The following PCM1 variants were observed in gnomAD, a reference collection of about 807,000 sequenced individuals.
PCM1 encodes the protein pericentriolar material 1.
A neutral mutation model predicts 241.9 loss-of-function variants in PCM1; 157 were observed. That is an observed-to-expected ratio of 0.65 (90% CI 0.57 to 0.74). The LOEUF (loss-of-function observed/expected upper bound fraction) is 0.74. Among genes scored for constraint, PCM1 ranks in the 30% least tolerant of loss-of-function variants. The pLI, the probability that PCM1 is intolerant of heterozygous loss-of-function variation, is 0.00. For synonymous variants in PCM1, 1,085 were observed against 784.9 expected (o/e 1.38, Z -6.39); for missense variants, 3,478 against 2,360.1 (o/e 1.47, Z -9.81).
At chr8:17,936,159 A>G (rs17125972) in intron 3 of PCM1, among the ~76,000 whole-genome samples, 1,766 of 152,292 alleles carry the variant, frequency 0.012, 33 homozygotes, top group African/African-American at 0.041. Flanking sequence ...TTATGTACTG[A>G]CTAGTTACCT....
chr8:17,960,018 A>G lies in PCM1; in HGVS notation c.2045A>G (p.Asp682Gly). ...LQDLVAMVQD[D>G]DAAQGVISAS... is the part of the protein sequence containing the mutation. Reference sequence around the variant, plus strand: ...AATGTAATGATGCTCTTTCAGGATGATGATGCAGCTCAAGGAGTTATCTCT... The same window carrying G: ...AATGTAATGATGCTCTTTCAGGATGGTGATGCAGCTCAAGGAGTTATCTCT... The change falls in exon 14 of 39, where the codon GAT (aspartate) becomes GGT (glycine). Residue 682 changes from aspartate (D) to glycine (G), a missense_variant. Asp to Gly is a moderately conservative substitution (Grantham distance 94). Transcript: ENST00000325083. The G allele has an allele frequency of 6.2e-7, 1 of 1,612,408 alleles. No homozygotes were observed. The highest frequency in any genetic ancestry group is 8.5e-7 in the Non-Finnish European group (1 of 1,179,212).
intron 30 of PCM1, among the ~76,000 whole-genome samples, chr8:18,006,831 G>A (rs2091467613): frequency 6.6e-6 from 1 of 152,178 alleles, no homozygotes; most frequent in Non-Finnish European, 1.5e-5. Context: ...TAGTAAGTCA[G>A]TAACTGGGAG....
At chr8:17,979,695 A>G (rs2080033580) in intron 23 of PCM1, among the ~76,000 whole-genome samples, 1 of 152,228 alleles carries the variant, frequency 6.6e-6, no homozygotes, top group South Asian at 2.1e-4. Context: ...AAAGATGGAA[A>G]TGCATAAGAT....
At position 17,946,910 on chromosome 8, in the gene PCM1, T is replaced by C. The variant is rs576232031; in HGVS notation, c.784-276T>C. Among the ~76,000 whole-genome samples, 47 of 151,948 alleles carry C rather than the reference T, an allele frequency of 3.1e-4. 1 individual carries two copies. The South Asian group carries it at 9.8e-3, about 32-fold the overall frequency. Reference sequence around the variant, plus strand: ...GTCCCTCTTGGCCTTTTATGTTTTGTATATCTTTTTCTTTTCCTTTTGTTC... The same window carrying C: ...GTCCCTCTTGGCCTTTTATGTTTTGCATATCTTTTTCTTTTCCTTTTGTTC... On this transcript the variant is annotated intron_variant, in intron 6 of 38. Transcript: ENST00000325083.
chr8:18,029,477 T>A lies in PCM1; in HGVS notation c.*1815T>A, dbSNP rs1172591259. 1 of 216,458 alleles carries A rather than the reference T, an allele frequency of 4.6e-6. No homozygotes were observed. Among genetic ancestry groups the A allele is most frequent in the Non-Finnish European group, 9.3e-6 (1 of 107,330 alleles). The allele number at this position is 216,458 out of a possible 1,614,324, so 13.4% of individuals were successfully genotyped here. Reference sequence around the variant, plus strand: ...ACTGTTTTGGTACTCAAGCCCAGCCTTACATACTGTGTTTCTCTCTCTGTC... The same window carrying A: ...ACTGTTTTGGTACTCAAGCCCAGCCATACATACTGTGTTTCTCTCTCTGTC... On this transcript the variant is annotated 3_prime_UTR_variant, in exon 39 of 39. Transcript: ENST00000325083.
intron 7 of PCM1, among the ~76,000 whole-genome samples, chr8:17,948,205 C>G (rs879256036): frequency 6.6e-6 from 1 of 151,672 alleles, no homozygotes; most frequent in Non-Finnish European, 1.5e-5. Context: ...GCTGTCCAAA[C>G]CTAGCCCACT....
At position 17,966,049 on chromosome 8, in the gene PCM1, C is replaced by T; in HGVS notation, c.2906C>T (p.Ala969Val). The T allele has an allele frequency of 6.2e-7, 1 of 1,613,604 alleles. No individual in the cohort carries two copies. Among genetic ancestry groups the T allele is most frequent in the African/African-American group, 1.3e-5 (1 of 75,020 alleles). Residue 969 changes from alanine (A) to valine (V), a missense_variant, in exon 19 of 39, where the codon GCC (alanine) becomes GTC (valine). Coordinates refer to ENST00000325083, the MANE Select transcript of PCM1 (RefSeq NM_006197.4). ...GCAGATGAAAATTATCGTCCTTTAG[C>T]CAAGACAAGGCAACAGAATATCAGC... is the stretch of plus-strand genomic sequence containing the variant. ...FSADENYRPL[A>V]KTRQQNISMQ...
In PCM1 at chr8:17,972,519, G is replaced by C. The variant is rs1251001233; in HGVS notation, c.3775G>C (p.Glu1259Gln). ...RRRQFDEESL[E>Q]SFSSMPDPVD... ...ACGCCAGTTTGATGAAGAATCACTG[G>C]AAAGCTTTAGCAGTATGCCTGATCC... Residue 1259 changes from glutamate to glutamine, a missense_variant, in exon 23 of 39, where the codon GAA becomes CAA. Physicochemically the swap from Glu to Gln is conservative, Grantham distance 29. Transcript: ENST00000325083. 12 of 1,613,786 alleles carry C rather than the reference G, an allele frequency of 7.4e-6. No homozygotes were observed. The highest frequency in any genetic ancestry group is 8.5e-6 in the Non-Finnish European group (10 of 1,179,830).
intron 2 of PCM1, among the ~76,000 whole-genome samples, chr8:17,929,761 C>T (rs1383743919): frequency 6.6e-6 from 1 of 152,144 alleles, no homozygotes; most frequent in Non-Finnish European, 1.5e-5. Context: ...TGGGTAGTAC[C>T]AAACTCTATG....
chr8:17,966,216 C>A lies in PCM1; in HGVS notation c.3073C>A (p.Gln1025Lys). Reference protein sequence around the residue: ...SICQTLMQDQQTLSCLLQTLL... With the variant: ...SICQTLMQDQKTLSCLLQTLL... ...TTGTCAGACTTTGATGCAAGACCAG[C>A]AGGTAAAATTTGCTATGAAAGTATA... The change falls in exon 19 of 39, where the codon CAG becomes AAG. Residue 1025 changes from glutamine (Q) to lysine (K), a missense_variant and splice_region_variant. Gln to Lys is a moderately conservative substitution (Grantham distance 53, BLOSUM62 1). Coordinates refer to ENST00000325083, the MANE Select transcript of PCM1 (RefSeq NM_006197.4). 6.2e-7 allele frequency: 1 copy of A among 1,612,112 alleles called. No individual in the cohort carries two copies. Among genetic ancestry groups the A allele is most frequent in the Non-Finnish European group, 8.5e-7 (1 of 1,178,442 alleles).
chr8:17,925,074 T>C (rs1303986558), intron 2 of PCM1: 1 of 152,388 alleles, frequency 6.6e-6, no homozygotes, highest in South Asian at 2.1e-4. Flanking sequence ...TGTTTGAATT[T>C]GTCCTATAAC....
At position 18,006,236 on chromosome 8, in the gene PCM1, A is replaced by AT. The variant is rs1564331826; in HGVS notation, c.4828-25dup. The stretch of plus-strand genomic sequence containing the variant: ...TTTTTTAAACAATAGGTAAGTTTAT[A>AT]TTCTAACCAACTAGGATTTTTCTCA... On this transcript the variant is annotated intron_variant, in intron 29 of 38. Coordinates refer to ENST00000325083, the MANE Select transcript of PCM1 (RefSeq NM_006197.4). 4 of 1,563,912 alleles carry AT rather than the reference A, an allele frequency of 2.6e-6. No individual in the cohort carries two copies. The South Asian group carries it at 3.5e-5, about 14-fold the overall frequency.
intron 32 of PCM1, among the ~76,000 whole-genome samples, chr8:18,010,896 C>G (rs2092400430): frequency 2.0e-5 from 3 of 152,136 alleles, no homozygotes; most frequent in South Asian, 4.1e-4. Flanking sequence ...TTGCTAGAAC[C>G]TGGGAGGCAG....
chr8:17,931,470 G>A (rs1411954637), intron 2 of PCM1, among the ~76,000 whole-genome samples: 3 of 152,038 alleles, frequency 2.0e-5, no homozygotes, highest in African/African-American at 7.2e-5. Context: ...TGTATTTTTA[G>A]TAGAGATAGG....
In PCM1 at chr8:17,956,657, A is replaced by G; in HGVS notation, c.1526A>G (p.Tyr509Cys). 1.2e-6 allele frequency: 2 copies of G among 1,603,054 alleles called. No homozygotes were observed. The highest frequency in any genetic ancestry group is 2.2e-5 in the South Asian group (2 of 89,590). The change falls in exon 11 of 39, where the codon TAT becomes TGT. Residue 509 changes from tyrosine to cysteine, a missense_variant. Physicochemically the swap from Tyr to Cys is radical, Grantham distance 194. Transcript: ENST00000325083. The part of the protein sequence containing the change: ...RLNELRELVH[Y>C]YEQTSDMMTD... ...AATGAGCTAAGAGAATTAGTTCATTATTATGAACAAACGTCAGACATGATG... is the reference window on the plus strand; with the variant it reads ...AATGAGCTAAGAGAATTAGTTCATTGTTATGAACAAACGTCAGACATGATG...
chr8:18,018,051 G>A (rs1023716197), intron 36 of PCM1, among the ~76,000 whole-genome samples: 3 of 152,160 alleles, frequency 2.0e-5, no homozygotes, highest in Non-Finnish European at 2.9e-5. Context: ...TAATAAATCA[G>A]CCAGTCCCTT....
chr8:17,981,348 C>G (rs1461665261), intron 24 of PCM1, among the ~76,000 whole-genome samples: 1 of 152,186 alleles, frequency 6.6e-6, no homozygotes, highest in African/African-American at 2.4e-5. Context: ...TTCTGAAACT[C>G]CATTCTAATC....
At chr8:17,935,264 T>G (rs556302238) in intron 2 of PCM1, among the ~76,000 whole-genome samples, 7 of 152,354 alleles carry the variant, frequency 4.6e-5, no homozygotes, top group Non-Finnish European at 8.8e-5. Context: ...GTCTAGCTGT[T>G]TATGACACTT....
At chr8:17,938,717 T>C (rs2285301) in intron 4 of PCM1, 23 bp from the exon 5 acceptor site, 240,014 of 1,580,806 alleles carry the variant, frequency 0.15, 21,001 homozygotes, top group East Asian at 0.42. Context: ...GTTTGTGTGA[T>C]TTGATTTCTT....
Sources: gnomAD v4.1 joint callset for allele counts (sites outside exome capture counted in the v4.1 genomes callset) on GRCh38, gnomAD v4.1.1 for gene constraint, MANE v1.5 for transcripts, NCBI Gene and HGNC (gene_info 2026-07-23, HGNC 2026-07-21) for gene names.